SLC12A7: variants seen among roughly 807,000 people sequenced by gnomAD.
SLC12A7 encodes the protein K-Cl cotransporter 4.
A neutral mutation model predicts 120.6 loss-of-function variants in SLC12A7; 100 were observed. The ratio of observed to expected loss-of-function variants is 0.83; its 90% CI spans 0.71 to 0.98. The LOEUF is 0.98. Ranked by LOEUF, SLC12A7 falls within the 50% of genes least tolerant of loss-of-function variation. The pLI, the probability that SLC12A7 is intolerant of heterozygous loss-of-function variation, is 0.00. For missense variants in SLC12A7, 1,373 were observed against 1,548.1 expected (o/e 0.89, Z 1.90); for synonymous variants, 760 against 678.0 (o/e 1.12, Z -1.88).
chr5:1,096,747 A>G (rs1263232771), intron 1 of SLC12A7, among the ~76,000 whole-genome samples: 1 of 13,062 alleles, frequency 7.7e-5, no homozygotes, highest in African/African-American at 3.5e-4. Flanking sequence ...AAGGGAGGGA[A>G]GGAAGGAGGG....
intron 3 of SLC12A7, among the ~76,000 whole-genome samples, chr5:1,089,641 G>T (rs560904186): frequency 2.0e-5 from 3 of 151,864 alleles, no homozygotes; most frequent in Non-Finnish European, 4.4e-5. Flanking sequence ...TCTTAACCGG[G>T]CACGGAGGTC....
chr5:1,151,206 C>T, the SLC12A7 span, among the ~76,000 whole-genome samples: 3 of 152,344 alleles, frequency 2.0e-5, no homozygotes, highest in South Asian at 6.2e-4. This position sits in a 1 kb window ranked among gnomAD's most constrained non-coding sequence, Gnocchi z 6.2. Flanking sequence ...TGCTTCCCAG[C>T]CAGAGCAGTT....
chr5:1,062,328 C>A (rs896570747), intron 20 of SLC12A7, among the ~76,000 whole-genome samples: 5 of 152,204 alleles, frequency 3.3e-5, no homozygotes, highest in Admixed American at 3.3e-4. Context: ...GTTATTCATA[C>A]GACTATTAGC....
chr5:1,128,410 G>A, the SLC12A7 span, among the ~76,000 whole-genome samples: 1 of 152,260 alleles, frequency 6.6e-6, no homozygotes, highest in African/African-American at 2.4e-5. Flanking sequence ...AATGCATGGA[G>A]GCAGGATGGG....
At chr5:1,065,570 C>G (rs1326128099) in intron 17 of SLC12A7, 92 bp from the exon 18 acceptor site, 3 of 1,038,392 alleles carry the variant, frequency 2.9e-6, no homozygotes, top group African/African-American at 1.6e-5. Flanking sequence ...CCCGCACCAC[C>G]TCCCCTGTGG....
At chr5:1,081,343 C>T (rs921678561) in intron 9 of SLC12A7, among the ~76,000 whole-genome samples, 2 of 151,920 alleles carry the variant, frequency 1.3e-5, no homozygotes, top group Non-Finnish European at 1.5e-5. Flanking sequence ...CCTGGGGTCC[C>T]GGCTGCCCCC....
Position 1,085,439 on chromosome 5 carries a change from G to A in SLC12A7, c.710C>T (p.Ala237Val), listed in dbSNP as rs775247991. ...YISPGAAIFQ[A>V]EAAGGEAAAM... ...GGCCGCCTCGCCACCTGCAGCCTCC[G>A]CCTGGAAGATGGCCGCACCCGGGGA... Residue 237 changes from alanine to valine, a missense_variant, in exon 7 of 24, where the codon GCG becomes GTG. Ala to Val is a moderately conservative substitution (Grantham distance 64, BLOSUM62 0). Transcript: ENST00000264930. The A allele has an allele frequency of 1.1e-5, 18 of 1,609,330 alleles. No individual in the cohort carries two copies. Among genetic ancestry groups the A allele is most frequent in the Admixed American group, 8.4e-5 (5 of 59,666 alleles).
intron 1 of SLC12A7, among the ~76,000 whole-genome samples, chr5:1,096,749 GAA>G: frequency 6.0e-5 from 1 of 16,612 alleles, no homozygotes; most frequent in African/African-American, 2.5e-4. Context: ...GGGAGGGAAG[GAA>G]GGAGGGAGGA....
intron 1 of SLC12A7, among the ~76,000 whole-genome samples, chr5:1,106,407 T>G (rs1464871880): frequency 5.4e-5 from 8 of 148,004 alleles, no homozygotes; most frequent in Non-Finnish European, 1.0e-4. Flanking sequence ...GAGCTGAGTC[T>G]GTGCCACTGC....
At chr5:1,059,194 A>T (rs1735932239) in intron 21 of SLC12A7, among the ~76,000 whole-genome samples, 1 of 152,196 alleles carries the variant, frequency 6.6e-6, no homozygotes, top group Admixed American at 6.5e-5. Context: ...CTGTCCACGG[A>T]CAAGCTGGGC....
At position 1,074,686 on chromosome 5, in the gene SLC12A7, G is replaced by A. The variant is rs747680054; in HGVS notation, c.1968-15C>T. The A allele has an allele frequency of 1.2e-6, 2 of 1,610,750 alleles. No individual in the cohort carries two copies. Among genetic ancestry groups the A allele is most frequent in the East Asian group, 2.2e-5 (1 of 44,856 alleles). On this transcript the variant is annotated splice_polypyrimidine_tract_variant and intron_variant, in intron 15 of 23. Transcript: ENST00000264930. ...CCTTCTCGGCCCTGTGGGAAAGGAA[G>A]TCGGGGTTTGTCCAGCCGCGTACCT...
rs188501637 is a variant in SLC12A7 at position 1,057,264 on chromosome 5, C to T, written c.3026+207G>A. 558 of 545,214 alleles carry T rather than the reference C, an allele frequency of 1.0e-3. 4 individuals are homozygous for T. The highest frequency in any genetic ancestry group is 5.5e-3 in the South Asian group (191 of 34,868). The allele number at this position is 545,214 out of a possible 1,614,324, so 33.8% of individuals were successfully genotyped here. On this transcript the variant is annotated intron_variant, in intron 22 of 23. Transcript: ENST00000264930. ...GGCACTAGAAGGATCCCTCAGCGCC[C>T]GGCCACAGGGCTGAACTCAGGGCCC...
chr5:1,112,943 C>A (rs1035001943), upstream of SLC12A7, among the ~76,000 whole-genome samples: 1 of 150,466 alleles, frequency 6.6e-6, no homozygotes, highest in African/African-American at 2.5e-5. Flanking sequence ...CAGGAGTGCC[C>A]CGCGGCCCCT....
At chr5:1,077,164 C>T (rs1437818337) in intron 12 of SLC12A7, among the ~76,000 whole-genome samples, 2 of 152,194 alleles carry the variant, frequency 1.3e-5, no homozygotes, top group Non-Finnish European at 2.9e-5. Context: ...GCCACCCTCA[C>T]CTCCCAGAAG....
chr5:1,131,262 C>T, the SLC12A7 span, among the ~76,000 whole-genome samples: 4 of 152,164 alleles, frequency 2.6e-5, no homozygotes, highest in Non-Finnish European at 2.9e-5. Flanking sequence ...CCCTCCCGGC[C>T]GTCCTGCTCC....
intron 1 of SLC12A7, among the ~76,000 whole-genome samples, chr5:1,105,083 G>A (rs986167796): frequency 4.7e-5 from 7 of 150,280 alleles, no homozygotes; most frequent in African/African-American, 1.7e-4. Context: ...CCGCAGGGAT[G>A]AGGTCCTGCA....
At chr5:1,128,854 GCA>G in the SLC12A7 span, among the ~76,000 whole-genome samples, 5 of 152,180 alleles carry the variant, frequency 3.3e-5, no homozygotes, top group African/African-American at 1.2e-4. Flanking sequence ...ACACATATGT[GCA>G]CACACATGCA....
At position 1,073,715 on chromosome 5, in the gene SLC12A7, G is replaced by T; in HGVS notation, c.2159C>A (p.Ala720Asp). The T allele has an allele frequency of 6.3e-7, 1 of 1,579,652 alleles. No individual in the cohort carries two copies. The part of the protein sequence containing the change: ...RLLSFTSQLK[A>D]GKGLTIVGSV... Reference sequence around the variant, plus strand: ...GCCCACGATGGTCAGGCCCTTGCCGGCCTTCAGCTGCGACGTGAAGGACAG... The same window carrying T: ...GCCCACGATGGTCAGGCCCTTGCCGTCCTTCAGCTGCGACGTGAAGGACAG... Residue 720 changes from alanine to aspartate, a missense_variant, in exon 17 of 24, where the codon GCC (alanine) becomes GAC (aspartate). Transcript: ENST00000264930.
At chr5:1,139,858 A>T in the SLC12A7 span, among the ~76,000 whole-genome samples, 10 of 152,374 alleles carry the variant, frequency 6.6e-5, no homozygotes, top group Admixed American at 2.0e-4. Flanking sequence ...AGACAAAGGC[A>T]GATTTTGTGA....
Sources: gnomAD v4.1 joint callset for allele counts (sites outside exome capture counted in the v4.1 genomes callset) on GRCh38, gnomAD v4.1.1 for gene constraint, Gnocchi (gnomAD v3.1) non-coding constraint, MANE v1.5 for transcripts, NCBI Gene and HGNC (gene_info 2026-07-23, HGNC 2026-07-21) for gene names.